CLMN: variants seen among roughly 807,000 people sequenced by gnomAD.
CLMN encodes calmin (calponin-like, transmembrane).
A neutral mutation model predicts 92.7 loss-of-function variants in CLMN; 57 were observed. That is an observed-to-expected ratio of 0.61 (90% CI 0.50 to 0.77). CLMN has a LOEUF of 0.77. Among genes scored for constraint, CLMN ranks in the 30% least tolerant of loss-of-function variants. The pLI, the probability that CLMN is intolerant of heterozygous loss-of-function variation, is 0.00. For missense variants in CLMN, 1,158 were observed against 1,237.5 expected (o/e 0.94, Z 0.96); for synonymous variants, 466 against 470.6 (o/e 0.99, Z 0.13).
chr14:95,197,427 G>A (rs1896751839), intron 9 of CLMN, among the ~76,000 whole-genome samples: 2 of 152,060 alleles, frequency 1.3e-5, no homozygotes, highest in South Asian at 2.1e-4. Context: ...GAAAGAAAGA[G>A]GAGGAAGAGA....
At chr14:95,214,756 T>C (rs1897289155) in intron 5 of CLMN, among the ~76,000 whole-genome samples, 1 of 151,790 alleles carries the variant, frequency 6.6e-6, no homozygotes, top group African/African-American at 2.4e-5. Flanking sequence ...TTTTTTTAAG[T>C]TCATGGTTCA....
chr14:95,298,786 C>G (rs918614158), intron 1 of CLMN, among the ~76,000 whole-genome samples: 1 of 152,148 alleles, frequency 6.6e-6, no homozygotes, highest in Non-Finnish European at 1.5e-5. Flanking sequence ...AACCTAACAT[C>G]CAGGGTACCA....
intron 1 of CLMN, among the ~76,000 whole-genome samples, chr14:95,240,062 T>C (rs1044534517): frequency 6.6e-5 from 10 of 152,222 alleles, no homozygotes; most frequent in Non-Finnish European, 1.2e-4. Context: ...CTAGGAGCAA[T>C]AGGCTGCACC....
rs944845163 is a variant in CLMN at position 95,256,768 on chromosome 14, G to A, written c.83-26635C>T. On this transcript the variant is annotated intron_variant, in intron 1 of 12. Coordinates refer to ENST00000298912, the MANE Select transcript of CLMN (RefSeq NM_024734.4). This position sits in a 1 kb window ranked among gnomAD's most constrained non-coding sequence, Gnocchi z 4.9. ...GTAGGGCCCTGGTCCACATTGCACC[G>A]GGAAAACAGACATGGGGAAACTGGG... 3.9e-5 allele frequency among the ~76,000 whole-genome samples: 6 copies of A among 152,310 alleles called. No individual in the cohort carries two copies. The highest frequency in any genetic ancestry group is 6.5e-5 in the Admixed American group (1 of 15,296).
At chr14:95,230,346 C>A (rs1179670958) in intron 1 of CLMN, among the ~76,000 whole-genome samples, 1 of 152,238 alleles carries the variant, frequency 6.6e-6, no homozygotes, top group Admixed American at 6.5e-5. Flanking sequence ...TCTATGTAAA[C>A]CCACAGATTC....
chr14:95,317,756 G>A (rs1162769798), intron 1 of CLMN, among the ~76,000 whole-genome samples: 2 of 152,118 alleles, frequency 1.3e-5, no homozygotes, highest in Admixed American at 1.3e-4. Context: ...ACCATCTAGG[G>A]TACTGGAAAT....
intron 9 of CLMN, among the ~76,000 whole-genome samples, chr14:95,200,204 C>G (rs1896837465): frequency 6.6e-6 from 1 of 152,142 alleles, no homozygotes; most frequent in African/African-American, 2.4e-5. Context: ...CCCAAAACCC[C>G]CATGCAGCCT....
chr14:95,227,497 G>C (rs773800452), intron 2 of CLMN, among the ~76,000 whole-genome samples: 5 of 152,186 alleles, frequency 3.3e-5, no homozygotes, highest in Admixed American at 6.5e-5. Flanking sequence ...GACCCGAACG[G>C]AATACCCCCT....
chr14:95,241,075 A>G (rs908496274), intron 1 of CLMN, among the ~76,000 whole-genome samples: 1 of 152,030 alleles, frequency 6.6e-6, no homozygotes, highest in Non-Finnish European at 1.5e-5. Context: ...GTGTTCAGTT[A>G]TTTAAAAAAA....
chr14:95,215,604 A>G (rs1296852795), intron 5 of CLMN, 37 bp downstream of exon 5: 1 of 1,557,318 alleles, frequency 6.4e-7, no homozygotes, highest in Non-Finnish European at 8.9e-7. Flanking sequence ...CAGACACAAG[A>G]TCATGATTGT....
intron 1 of CLMN, among the ~76,000 whole-genome samples, chr14:95,237,369 A>C (rs148375349): frequency 1.3e-5 from 2 of 152,308 alleles, no homozygotes; most frequent in Non-Finnish European, 2.9e-5. Context: ...GGCAGCAGAG[A>C]AGGTGGATCC....
chr14:95,270,148 T>C (rs1284380608), intron 1 of CLMN, among the ~76,000 whole-genome samples: 2 of 152,220 alleles, frequency 1.3e-5, no homozygotes, highest in African/African-American at 2.4e-5. Flanking sequence ...CGATGTGCCA[T>C]GTCTGCCTGC....
intron 1 of CLMN, among the ~76,000 whole-genome samples, chr14:95,278,837 T>C (rs1459049642): frequency 6.6e-6 from 1 of 152,190 alleles, no homozygotes; most frequent in Non-Finnish European, 1.5e-5. Flanking sequence ...GGGGATGTGC[T>C]GATTCCCTTT....
At chr14:95,237,260 C>T (rs958545341) in intron 1 of CLMN, among the ~76,000 whole-genome samples, 1 of 152,240 alleles carries the variant, frequency 6.6e-6, no homozygotes, top group Admixed American at 6.5e-5. Flanking sequence ...TGCAGATGGG[C>T]GGAGTGCCTT....
intron 1 of CLMN, among the ~76,000 whole-genome samples, chr14:95,242,250 C>CTTTTTTTTTT (rs371417505): frequency 1.1e-4 from 10 of 92,594 alleles, no homozygotes; most frequent in Non-Finnish European, 1.4e-4. Flanking sequence ...TTTTCTTTTT[C>CTTTTTTTTTT]TTTTTTTTTT....
intron 1 of CLMN, among the ~76,000 whole-genome samples, chr14:95,258,247 T>C (rs1899086399): frequency 6.7e-6 from 1 of 150,078 alleles, no homozygotes; most frequent in Non-Finnish European, 1.5e-5. Flanking sequence ...ATATGTATGA[T>C]GTATATGTAT....
At chr14:95,241,934 G>A (rs866581048) in intron 1 of CLMN, among the ~76,000 whole-genome samples, 12 of 152,124 alleles carry the variant, frequency 7.9e-5, no homozygotes, top group Admixed American at 3.3e-4. Flanking sequence ...CAGAGTACCC[G>A]AAGGGATTTT....
Position 95,194,996 on chromosome 14 carries a change from G to A in CLMN, c.2709-400C>T, listed in dbSNP as rs956065498. Among the ~76,000 whole-genome samples the A allele has an allele frequency of 9.9e-5, 15 of 152,150 alleles. No homozygotes were observed. Among genetic ancestry groups the A allele is most frequent in the Non-Finnish European group, 1.6e-4 (11 of 68,030 alleles). On this transcript the variant is annotated intron_variant, in intron 10 of 12. Coordinates refer to ENST00000298912, the MANE Select transcript of CLMN (RefSeq NM_024734.4). The surrounding 1 kb of genome is among the most constrained non-coding windows in gnomAD (Gnocchi z 4.0). ...GGCTGCCCTGACTCTCTCTACCTGC[G>A]TCTGAGGTCCAAAATGTACAAGTGG... is the stretch of plus-strand genomic sequence containing the variant.
At chr14:95,268,788 CTCTCTCT>C (rs1329283255) in intron 1 of CLMN, among the ~76,000 whole-genome samples, 5 of 126,458 alleles carry the variant, frequency 4.0e-5, no homozygotes, top group Non-Finnish European at 6.6e-5. Flanking sequence ...CTCTCTCTCT[CTCTCTCT>C]TTTTTTTTTT....
Sources: gnomAD v4.1 joint callset for allele counts (sites outside exome capture counted in the v4.1 genomes callset) on GRCh38, gnomAD v4.1.1 for gene constraint, Gnocchi (gnomAD v3.1) non-coding constraint, MANE v1.5 for transcripts, NCBI Gene and HGNC (gene_info 2026-07-23, HGNC 2026-07-21) for gene names.